Variants in DCC observed in about 807,000 individuals in gnomAD.
The protein encoded by DCC is DCC netrin 1 receptor.
Under a neutral mutation model 172.5 loss-of-function variants are expected in DCC, and 58 were observed. The observed-to-expected ratio is 0.34, with a 90% CI of 0.27 to 0.42. DCC has a LOEUF of 0.42. Ranked by LOEUF, DCC falls within the 10% of genes least tolerant of loss-of-function variation. The pLI, the probability that DCC is intolerant of heterozygous loss-of-function variation, is 1.00. For synonymous variants in DCC, 709 were observed against 644.5 expected (o/e 1.10, Z -1.52); for missense variants, 1,740 against 1,791.0 (o/e 0.97, Z 0.51).
At position 52,846,264 on chromosome 18, in the gene DCC, A is replaced by AT. The variant is rs1212402955; in HGVS notation, c.413-59780_413-59779insT. Among the ~76,000 whole-genome samples the AT allele has an allele frequency of 2.1e-3, 322 of 152,276 alleles. 2 individuals are homozygous for AT. The highest frequency in any genetic ancestry group is 7.4e-3 in the African/African-American group (306 of 41,570). ...AGCCTCAAGGAATTCAGCTTCAGCCAGGCATGGTGGCACATGCCTGTAATC... is the reference window on the plus strand; with the variant it reads ...AGCCTCAAGGAATTCAGCTTCAGCCATGGCATGGTGGCACATGCCTGTAATC... On this transcript the variant is annotated intron_variant, in intron 2 of 28. Coordinates refer to ENST00000442544, the MANE Select transcript of DCC (RefSeq NM_005215.4).
intron 1 of DCC, among the ~76,000 whole-genome samples, chr18:52,602,527 C>A (rs1267144291): frequency 2.6e-5 from 4 of 151,800 alleles, no homozygotes; most frequent in Non-Finnish European, 5.9e-5. Context: ...TTCTACCCGT[C>A]AAAAATAACT....
intron 1 of DCC, among the ~76,000 whole-genome samples, chr18:52,711,946 G>A (rs1461928770): frequency 6.6e-6 from 1 of 151,598 alleles, no homozygotes; most frequent in Non-Finnish European, 1.5e-5. Flanking sequence ...AAAGCATCAA[G>A]GTAAAATAGT....
At chr18:53,300,252 G>T (rs1192851207) in intron 12 of DCC, among the ~76,000 whole-genome samples, 3 of 152,120 alleles carry the variant, frequency 2.0e-5, no homozygotes, top group African/African-American at 4.8e-5. Context: ...CAATACCCTT[G>T]GTGCTTTGTG....
intron 24 of DCC, among the ~76,000 whole-genome samples, chr18:53,466,172 G>A (rs149401248): frequency 1.4e-3 from 212 of 152,082 alleles, no homozygotes; most frequent in Admixed American, 2.9e-3. Context: ...CTCCTGCCTC[G>A]GCCTCCATAA....
At chr18:52,569,246 C>A (rs757867047) in intron 1 of DCC, among the ~76,000 whole-genome samples, 14 of 152,272 alleles carry the variant, frequency 9.2e-5, no homozygotes, top group Admixed American at 3.9e-4. Flanking sequence ...TAAGACACAC[C>A]TGGGTCTATT....
At chr18:53,466,493 A>G (rs946919684) in intron 24 of DCC, among the ~76,000 whole-genome samples, 9 of 152,098 alleles carry the variant, frequency 5.9e-5, no homozygotes, top group African/African-American at 2.2e-4. Flanking sequence ...CTGTTTTGTG[A>G]TTCTGCTGAA....
intron 1 of DCC, among the ~76,000 whole-genome samples, chr18:52,693,387 T>C (rs2035961884): frequency 6.8e-6 from 1 of 147,736 alleles, no homozygotes; most frequent in African/African-American, 2.5e-5. Flanking sequence ...TGTATATAAA[T>C]ATATATCATA....
At chr18:52,458,390 C>G (rs1369371907) in intron 1 of DCC, among the ~76,000 whole-genome samples, 1 of 152,098 alleles carries the variant, frequency 6.6e-6, no homozygotes, top group Non-Finnish European at 1.5e-5. Context: ...CTTAGGGGTA[C>G]TGGGTGCAGT....
intron 2 of DCC, among the ~76,000 whole-genome samples, chr18:52,896,076 C>T (rs994433450): frequency 3.3e-5 from 5 of 152,134 alleles, no homozygotes; most frequent in Non-Finnish European, 7.4e-5. Flanking sequence ...TGAGCCACTG[C>T]ACCCAGCCGT....
At chr18:53,344,860 G>T (rs536285188) in intron 15 of DCC, among the ~76,000 whole-genome samples, 78 of 151,052 alleles carry the variant, frequency 5.2e-4, no homozygotes, top group African/African-American at 1.9e-3. Context: ...ACTCCAGCCT[G>T]GGTGACAGAG....
At chr18:53,151,036 G>A (rs2144377603) in intron 7 of DCC, among the ~76,000 whole-genome samples, 1 of 152,290 alleles carries the variant, frequency 6.6e-6, no homozygotes, top group African/African-American at 2.4e-5. Flanking sequence ...GACCAAGCTG[G>A]TTTTCCCTCT....
At chr18:52,788,010 G>A (rs560491115) in intron 2 of DCC, among the ~76,000 whole-genome samples, 2 of 152,238 alleles carry the variant, frequency 1.3e-5, no homozygotes, top group Non-Finnish European at 2.9e-5. Flanking sequence ...TTGCTAAAGA[G>A]GAGGTTAGTG....
chr18:53,224,270 CAG>C (rs1028212289), intron 12 of DCC, among the ~76,000 whole-genome samples: 1 of 152,108 alleles, frequency 6.6e-6, no homozygotes, highest in African/African-American at 2.4e-5. Context: ...TGTGCACACT[CAG>C]AGTAACATAT....
chr18:52,475,880 C>T (rs755587194), intron 1 of DCC, among the ~76,000 whole-genome samples: 2 of 152,310 alleles, frequency 1.3e-5, no homozygotes, highest in African/African-American at 4.8e-5. Flanking sequence ...TTTCAACCTC[C>T]ATCTGCTCCC....
intron 1 of DCC, among the ~76,000 whole-genome samples, chr18:52,483,772 A>T (rs964536640): frequency 7.9e-5 from 12 of 151,586 alleles, no homozygotes; most frequent in Non-Finnish European, 1.2e-4. Context: ...GTTCTGTGAA[A>T]TTTTTTTCAA....
chr18:52,795,526 T>G (rs1322577607), intron 2 of DCC, among the ~76,000 whole-genome samples: 1 of 152,028 alleles, frequency 6.6e-6, no homozygotes, highest in East Asian at 1.9e-4. Context: ...GCTAGCAGTT[T>G]AAAAATTTTA....
At chr18:52,497,314 TACAC>T (rs34542048) in intron 1 of DCC, among the ~76,000 whole-genome samples, 1 of 73,974 alleles carries the variant, frequency 1.4e-5, no homozygotes, top group Non-Finnish European at 2.7e-5. Flanking sequence ...TATATATATA[TACAC>T]ACACACATAT....
chr18:53,510,543 G>A (rs1010173640), intron 27 of DCC, among the ~76,000 whole-genome samples: 2 of 152,160 alleles, frequency 1.3e-5, no homozygotes, highest in Admixed American at 6.5e-5. Context: ...GTGCTAAAGA[G>A]GAGTTGAGAG....
At position 52,782,600 on chromosome 18, in the gene DCC, C is replaced by G. The variant is rs78902696; in HGVS notation, c.412+30226C>G. ...AAGGACTTGCATTCAATCCCAAATA[C>G]GCTGACCTCTGGAATCTCAGCCTTT... On this transcript the variant is annotated intron_variant, in intron 2 of 28. Coordinates refer to ENST00000442544, the MANE Select transcript of DCC (RefSeq NM_005215.4). Among the ~76,000 whole-genome samples, 3 of 152,218 alleles carry G rather than the reference C, an allele frequency of 2.0e-5. No individual in the cohort carries two copies. In the East Asian group the frequency reaches 5.8e-4, roughly 29 times the overall value.
Sources: allele counts gnomAD v4.1 joint callset (sites outside exome capture counted in the v4.1 genomes callset), GRCh38; gene constraint gnomAD v4.1.1; transcripts MANE v1.5; gene names NCBI Gene and HGNC (gene_info 2026-07-23, HGNC 2026-07-21).